The following GRM3 variants were observed in gnomAD, a reference collection of about 807,000 sequenced individuals.
GRM3 encodes the protein glutamate metabotropic receptor 3, also known as metabotropic glutamate receptor 3.
In GRM3, 26 loss-of-function variants were observed where a neutral mutation model predicts 70.5. The ratio of observed to expected loss-of-function variants is 0.37; its 90% CI spans 0.27 to 0.51. The LOEUF is 0.51. GRM3 is among the 20% of genes least tolerant of loss of function. GRM3 has a pLI of 0.93. For missense variants in GRM3, 859 were observed against 1,123.8 expected (o/e 0.76, Z 3.37); for synonymous variants, 443 against 434.9 (o/e 1.02, Z -0.23).
chr7:86,735,595 C>T (rs1795840130), intron 1 of GRM3, among the ~76,000 whole-genome samples: 1 of 152,092 alleles, frequency 6.6e-6, no homozygotes, highest in South Asian at 2.1e-4. Flanking sequence ...ATTTGGTTTT[C>T]ATAACAACTC....
At chr7:86,725,479 C>T (rs1584195405) in intron 1 of GRM3, among the ~76,000 whole-genome samples, 1 of 152,228 alleles carries the variant, frequency 6.6e-6, no homozygotes, top group African/African-American at 2.4e-5. Context: ...TCTTTCATAA[C>T]CTAGCCTCAA....
intron 5 of GRM3, among the ~76,000 whole-genome samples, chr7:86,851,688 G>A (rs907405543): frequency 3.9e-5 from 6 of 152,238 alleles, no homozygotes; most frequent in South Asian, 2.1e-4. Context: ...ACTGAAGGAA[G>A]ACTGACAGTC....
intron 1 of GRM3, among the ~76,000 whole-genome samples, chr7:86,677,070 C>G (rs1257578693): frequency 7.9e-5 from 12 of 151,916 alleles, no homozygotes; most frequent in Admixed American, 7.9e-4. Flanking sequence ...CACCAGTAGC[C>G]CAAAATCCAG....
chr7:86,809,221 T>C (rs1797862408), intron 3 of GRM3, among the ~76,000 whole-genome samples: 1 of 152,086 alleles, frequency 6.6e-6, no homozygotes, highest in African/African-American at 2.4e-5. Flanking sequence ...TTAAGCACAG[T>C]TAAAGTTACT....
chr7:86,806,356 G>A (rs1013073072), intron 3 of GRM3, among the ~76,000 whole-genome samples: 1 of 152,182 alleles, frequency 6.6e-6, no homozygotes, highest in Non-Finnish European at 1.5e-5. Flanking sequence ...CTAGTTTATA[G>A]TCACACCAAC....
intron 1 of GRM3, among the ~76,000 whole-genome samples, chr7:86,719,119 G>T (rs1425434200): frequency 1.3e-5 from 2 of 151,676 alleles, no homozygotes; most frequent in Admixed American, 6.6e-5. Context: ...GATCCAAGCA[G>T]TTCTGGGGGA....
At chr7:86,858,651 A>G (rs1798896510) in intron 5 of GRM3, among the ~76,000 whole-genome samples, 1 of 152,214 alleles carries the variant, frequency 6.6e-6, no homozygotes, top group Non-Finnish European at 1.5e-5. Flanking sequence ...CTAGTAAGTG[A>G]TATTCTGTCA....
intron 1 of GRM3, among the ~76,000 whole-genome samples, chr7:86,707,503 G>A (rs962758032): frequency 6.6e-6 from 1 of 151,944 alleles, no homozygotes; most frequent in African/African-American, 2.4e-5. Flanking sequence ...CCTGGCTCTG[G>A]GACCTTGGGC....
chr7:86,704,024 T>C (rs373778613), intron 1 of GRM3, among the ~76,000 whole-genome samples: 2 of 151,990 alleles, frequency 1.3e-5, no homozygotes, highest in East Asian at 3.9e-4. Context: ...TTTCTGTTGG[T>C]CTTAAATCAT....
chr7:86,766,867 T>C (rs1401356692), intron 2 of GRM3, among the ~76,000 whole-genome samples: 2 of 152,126 alleles, frequency 1.3e-5, no homozygotes, highest in Admixed American at 1.3e-4. Flanking sequence ...ATTGGCTATA[T>C]TTGCGTTGGA....
intron 3 of GRM3, among the ~76,000 whole-genome samples, chr7:86,791,965 A>C (rs1208496441): frequency 6.6e-6 from 1 of 152,212 alleles, no homozygotes; most frequent in Non-Finnish European, 1.5e-5. Flanking sequence ...CCTAAAGTAA[A>C]TATTTAAATG....
intron 1 of GRM3, among the ~76,000 whole-genome samples, chr7:86,681,160 A>G (rs977123632): frequency 2.0e-5 from 3 of 152,148 alleles, no homozygotes; most frequent in Non-Finnish European, 4.4e-5. Flanking sequence ...TCGTACCGTA[A>G]GTCCTGGCCA....
chr7:86,694,963 C>G (rs1200533408), intron 1 of GRM3, among the ~76,000 whole-genome samples: 1 of 152,126 alleles, frequency 6.6e-6, no homozygotes, highest in African/African-American at 2.4e-5. Flanking sequence ...TCAAGGGTTC[C>G]CTTTCAAGAC....
chr7:86,823,685 C>CG (rs141188610), intron 3 of GRM3, among the ~76,000 whole-genome samples: 14,443 of 147,450 alleles, frequency 0.098, 1,017 homozygotes, highest in African/African-American at 0.18. Flanking sequence ...TTTCTTTTCC[C>CG]GGGTTCTAAA....
chr7:86,863,620 A>AC (rs1284018062), intron 5 of GRM3, among the ~76,000 whole-genome samples: 1 of 152,168 alleles, frequency 6.6e-6, no homozygotes, highest in Non-Finnish European at 1.5e-5. Context: ...TGAACAATGA[A>AC]AATATATCAA....
At chr7:86,697,918 G>A (rs1030552274) in intron 1 of GRM3, among the ~76,000 whole-genome samples, 5 of 151,978 alleles carry the variant, frequency 3.3e-5, no homozygotes, top group Admixed American at 1.3e-4. Context: ...CTTTATCTCT[G>A]TCTTCTCATT....
intron 1 of GRM3, among the ~76,000 whole-genome samples, chr7:86,722,544 T>G (rs370425138): frequency 7.2e-6 from 1 of 139,760 alleles, no homozygotes; most frequent in East Asian, 2.1e-4. Context: ...TAAGTGGGAG[T>G]TGAACAATGA....
intron 1 of GRM3, among the ~76,000 whole-genome samples, chr7:86,722,116 G>C (rs1015093777): frequency 6.6e-6 from 1 of 151,984 alleles, no homozygotes; most frequent in African/African-American, 2.4e-5. Flanking sequence ...CCCCAGAGAG[G>C]CTTCTGAAAA....
At chr7:86,736,217 C>T (rs1303877858) in intron 1 of GRM3, among the ~76,000 whole-genome samples, 1 of 152,036 alleles carries the variant, frequency 6.6e-6, no homozygotes, top group Non-Finnish European at 1.5e-5. Context: ...TTGTCAAGAT[C>T]CTCATGGGAA....
Sources: allele counts gnomAD v4.1 joint callset (sites outside exome capture counted in the v4.1 genomes callset), GRCh38; gene constraint gnomAD v4.1.1; transcripts MANE v1.5; gene names NCBI Gene and HGNC (gene_info 2026-07-23, HGNC 2026-07-21).